BCL9: variants seen among roughly 807,000 people sequenced by gnomAD.
BCL9 encodes B-cell CLL/lymphoma 9 protein.
A neutral mutation model predicts 88.5 loss-of-function variants in BCL9; 25 were observed. The observed-to-expected ratio is 0.28, with a 90% confidence interval of 0.21 to 0.39. BCL9 has a LOEUF of 0.39. BCL9 is among the 10% of genes least tolerant of loss of function. The pLI is 1.00. For missense variants in BCL9, 1,817 were observed against 1,877.8 expected (o/e 0.97, Z 0.60); for synonymous variants, 711 against 673.3 (o/e 1.06, Z -0.87).
At position 147,604,786 on chromosome 1, in the gene BCL9, T is replaced by G. The variant is rs1657573271; in HGVS notation, c.-468T>G. ...TTCCTTATCTGTATAGGACTGAATG[T>G]GGGCCCAGTTGGCGTCATTCTGCTT... On this transcript the variant is annotated 5_prime_UTR_variant, in exon 2 of 10. Transcript: ENST00000234739. 6.6e-6 allele frequency: 1 copy of G among 152,206 alleles called. No homozygotes were observed. The highest frequency in any genetic ancestry group is 6.5e-5 in the Admixed American group (1 of 15,280). 9.4% of individuals were successfully genotyped at this position (152,206 alleles called of 1,614,324 possible). A position where few individuals can be genotyped will look rare whatever the true frequency, so the allele number is the denominator to read the frequency against.
intron 1 of BCL9, among the ~76,000 whole-genome samples, chr1:147,569,322 G>C (rs587670210): frequency 3.1e-4 from 47 of 151,940 alleles, no homozygotes; most frequent in Admixed American, 7.9e-4. Context: ...GGAAGGGTCT[G>C]TCTCATGATA....
intron 7 of BCL9, among the ~76,000 whole-genome samples, chr1:147,618,268 C>CT (rs1161157132): frequency 6.6e-6 from 1 of 152,258 alleles, no homozygotes; most frequent in South Asian, 2.1e-4. Flanking sequence ...AGTAGTCACC[C>CT]TGCCAGAGGA....
At chr1:147,561,698 G>A (rs1553196123) in intron 1 of BCL9, among the ~76,000 whole-genome samples, 4 of 152,140 alleles carry the variant, frequency 2.6e-5, no homozygotes, top group African/African-American at 7.2e-5. Flanking sequence ...CCATCCTTAA[G>A]GAGCTAATAA....
chr1:147,612,258 C>A (rs1658045114), intron 4 of BCL9, among the ~76,000 whole-genome samples: 1 of 152,156 alleles, frequency 6.6e-6, no homozygotes, highest in East Asian at 1.9e-4. Flanking sequence ...AAACGTTATT[C>A]CCCGGACTCC....
intron 1 of BCL9, among the ~76,000 whole-genome samples, chr1:147,575,429 G>A (rs924613618): frequency 1.3e-5 from 2 of 152,196 alleles, no homozygotes; most frequent in African/African-American, 4.8e-5. Flanking sequence ...CAAGCTAAGT[G>A]CCAGCAATGT....
rs141589363 is a variant in BCL9 at position 147,624,161 on chromosome 1, G to C, written c.3483G>C (p.Gly1161=). ...VPFPHNGPSG[G]QGSFPGGMGF... is the part of the protein sequence containing the mutation. ...TCCCTCACAATGGCCCCAGTGGGGG[G>C]CAGGGCAGCTTCCCAGGAGGGATGG... The change falls in exon 10 of 10, where the codon GGG becomes GGC. Residue 1161 remains glycine (G), a synonymous_variant. Transcript: ENST00000234739. The surrounding 1 kb of genome is among the most constrained non-coding windows in gnomAD (Gnocchi z 4.4). The C allele has an allele frequency of 6.3e-7, 1 of 1,597,626 alleles. No homozygotes were observed. Among genetic ancestry groups the C allele is most frequent in the Admixed American group, 1.7e-5 (1 of 59,058 alleles).
chr1:147,613,271 G>A, intron 5 of BCL9, 72 bp downstream of exon 5: 3 of 1,496,610 alleles, frequency 2.0e-6, no homozygotes, highest in South Asian at 2.3e-5. Flanking sequence ...ACATTCGACA[G>A]AGGCCAGAGA....
At chr1:147,599,796 G>A (rs1218069740) in intron 1 of BCL9, among the ~76,000 whole-genome samples, 2 of 151,310 alleles carry the variant, frequency 1.3e-5, no homozygotes. Flanking sequence ...GGCGGGAGGT[G>A]CGGCTGCCTG....
rs1171395631 is a variant in BCL9 at position 147,569,933 on chromosome 1, G to GA, written c.-478+28267dup. 7.3e-5 allele frequency among the ~76,000 whole-genome samples: 11 copies of GA among 151,696 alleles called. No homozygotes were observed. The South Asian group carries it at 2.1e-3, about 29-fold the overall frequency. ...TATTAAAGAGGCCATTTTCTGAAGG[G>GA]AAAAAAAAGGAGTTAAAAAAGAAGA... On this transcript the variant is annotated intron_variant, in intron 1 of 9. Transcript: ENST00000234739.
chr1:147,609,236 G>C (rs1181140834), intron 3 of BCL9, among the ~76,000 whole-genome samples: 1 of 152,174 alleles, frequency 6.6e-6, no homozygotes, highest in African/African-American at 2.4e-5. Context: ...CTAACCTCCT[G>C]AAGAGCCTAA....
intron 1 of BCL9, among the ~76,000 whole-genome samples, chr1:147,591,535 A>G (rs1553199896): frequency 6.6e-6 from 1 of 152,194 alleles, no homozygotes; most frequent in East Asian, 1.9e-4. Flanking sequence ...TATATAAATA[A>G]GATCATACAA....
rs782520029 is a variant in BCL9, at chr1:147,612,904, G to T, written c.75G>T (p.Glu25Asp). 6.2e-7 allele frequency: 1 copy of T among 1,613,944 alleles called. No homozygotes were observed. The highest frequency in any genetic ancestry group is 1.3e-5 in the African/African-American group (1 of 75,006). Reference protein sequence around the residue: ...NTQSSPKSKQEVMVRPPTVMS... With the variant: ...NTQSSPKSKQDVMVRPPTVMS... Reference sequence around the variant, plus strand: ...TTAGTAGCCCTAAGTCAAAGCAGGAGGTGATGGTCCGTCCCCCTACAGTGA... The same window carrying T: ...TTAGTAGCCCTAAGTCAAAGCAGGATGTGATGGTCCGTCCCCCTACAGTGA... Residue 25 changes from glutamate (E) to aspartate (D), a missense_variant, in exon 5 of 10, where the codon GAG becomes GAT. Physicochemically the swap from Glu to Asp is conservative, Grantham distance 45. Around this residue, in one of 2 missense-constraint regions of BCL9, gnomAD observed 1,228 missense variants for 1,191.6 expected, o/e 1.03. Transcript: ENST00000234739.
intron 1 of BCL9, among the ~76,000 whole-genome samples, chr1:147,545,666 T>C (rs1019486235): frequency 1.3e-4 from 20 of 152,184 alleles, no homozygotes; most frequent in Admixed American, 1.2e-3. Context: ...CAAAACTCAC[T>C]AGTTACAAAT....
chr1:147,571,379 A>C (rs79019045), intron 1 of BCL9, among the ~76,000 whole-genome samples: 2,366 of 152,064 alleles, frequency 0.016, 34 homozygotes, highest in East Asian at 0.056. Flanking sequence ...AGAAAGACCA[A>C]CCTGACACCA....
intron 1 of BCL9, among the ~76,000 whole-genome samples, chr1:147,559,292 T>G (rs1314199317): frequency 1.3e-5 from 2 of 152,182 alleles, no homozygotes; most frequent in Non-Finnish European, 2.9e-5. Flanking sequence ...TAGGACAGGC[T>G]CAAAGACAGA....
At position 147,620,919 on chromosome 1, in the gene BCL9, A is replaced by G; in HGVS notation, c.2764A>G (p.Lys922Glu). 6.2e-7 allele frequency: 1 copy of G among 1,613,846 alleles called. No individual in the cohort carries two copies. Among genetic ancestry groups the G allele is most frequent in the Non-Finnish European group, 8.5e-7 (1 of 1,179,938 alleles). Residue 922 changes from lysine (K) to glutamate (E), a missense_variant, in exon 8 of 10, where the codon AAG (lysine) becomes GAG (glutamate). Lys to Glu is a moderately conservative substitution (Grantham distance 56, BLOSUM62 1). Around this residue, in one of 2 missense-constraint regions of BCL9, gnomAD observed 589 missense variants for 686.2 expected, o/e 0.86. Coordinates refer to ENST00000234739, the MANE Select transcript of BCL9 (RefSeq NM_004326.4). ...GSAAASPVHL[K>E]SPSLPAPSPG... ...TGCTGCTGCTTCACCTGTCCACCTCAAGTCTCCATCACTTCCTGCCCCGTC... is the reference window on the plus strand; with the variant it reads ...TGCTGCTGCTTCACCTGTCCACCTCGAGTCTCCATCACTTCCTGCCCCGTC...
Position 147,624,731 on chromosome 1 carries a change from AGCT to A in BCL9, c.4059_4061del (p.Ala1354del). ...GCCAGCCCACCCTGATGAGCAATCC[AGCT>A]GCTGCCGTGGGCATGATTCCTGGCA... is the stretch of plus-strand genomic sequence containing the variant. On this transcript the variant is annotated inframe_deletion, in exon 10 of 10. Coordinates refer to ENST00000234739, the MANE Select transcript of BCL9 (RefSeq NM_004326.4). This position sits in a 1 kb window ranked among gnomAD's most constrained non-coding sequence, Gnocchi z 4.4. The A allele has an allele frequency of 1.2e-6, 2 of 1,614,174 alleles. No individual in the cohort carries two copies. Among genetic ancestry groups the A allele is most frequent in the East Asian group, 2.2e-5 (1 of 44,880 alleles).
At chr1:147,562,158 GTC>G (rs1327314158) in intron 1 of BCL9, among the ~76,000 whole-genome samples, 1 of 152,046 alleles carries the variant, frequency 6.6e-6, no homozygotes, top group Non-Finnish European at 1.5e-5. Context: ...GAGAAACCCT[GTC>G]TCTACTAAAA....
chr1:147,618,783 C>T (rs782659985), intron 7 of BCL9, 33 bp from the exon 8 acceptor site: 2 of 1,490,448 alleles, frequency 1.3e-6, no homozygotes, highest in South Asian at 2.8e-5. Flanking sequence ...GTTCAGTTTA[C>T]TAATGATTTT....
Sources: allele counts gnomAD v4.1 joint callset (sites outside exome capture counted in the v4.1 genomes callset), GRCh38; gene constraint gnomAD v4.1.1; regional missense constraint gnomAD v4.1.1; non-coding constraint Gnocchi (gnomAD v3.1); transcripts MANE v1.5; gene names NCBI Gene and HGNC (gene_info 2026-07-23, HGNC 2026-07-21).